Variants in CNBD1 observed in about 807,000 individuals in gnomAD.
The protein encoded by CNBD1 is cyclic nucleotide-binding domain-containing protein 1.
A neutral mutation model predicts 54.4 loss-of-function variants in CNBD1; 71 were observed. The ratio of observed to expected loss-of-function variants is 1.30; its 90% CI spans 1.08 to 1.59. The LOEUF (loss-of-function observed/expected upper bound fraction) is 1.59, where lower values mean the gene tolerates loss of function less well. Among genes scored for constraint, CNBD1 ranks in the 40% most tolerant of loss-of-function variants. The probability of loss-of-function intolerance (pLI) is 0.00; values close to 1 mark genes in which losing one functional copy is unlikely to be tolerated. For missense variants in CNBD1, 659 were observed against 518.0 expected, an observed-to-expected ratio of 1.27 and a Z score of -2.64; for synonymous variants, 182 against 170.7, an observed-to-expected ratio of 1.07 and a Z score of -0.51.
At chr8:87,264,413 G>T (rs1186565732) in intron 6 of CNBD1, among the ~76,000 whole-genome samples, 11 of 152,104 alleles carry the variant, frequency 7.2e-5, no homozygotes, top group Non-Finnish European at 8.8e-5. Context: ...GGACATTTGG[G>T]TTTGTTCCAA....
At position 87,172,496 on chromosome 8, in the gene CNBD1, GTCTC is replaced by G. The variant is rs147685397; in HGVS notation, c.432-33481_432-33478del. On this transcript the variant is annotated intron_variant, in intron 4 of 10. Coordinates refer to ENST00000518476, the MANE Select transcript of CNBD1 (RefSeq NM_173538.3). ...AAGTCTCCAGGTATTGTTGTTTGAG[GTCTC>G]TCTCTCTCTCTCTCTTTAGCTCTAA... Among the ~76,000 whole-genome samples, 328 of 148,930 alleles carry G rather than the reference GTCTC, an allele frequency of 2.2e-3. 3 individuals are homozygous for G. The highest frequency in any genetic ancestry group is 7.5e-3 in the African/African-American group (307 of 40,816).
At chr8:87,278,900 A>G (rs1808535895) in intron 6 of CNBD1, among the ~76,000 whole-genome samples, 1 of 151,508 alleles carries the variant, frequency 6.6e-6, no homozygotes, top group Non-Finnish European at 1.5e-5. Context: ...CCTTTCTGAG[A>G]AGTGGAAAAG....
At position 87,328,489 on chromosome 8, in the gene CNBD1, G is replaced by C. The variant is rs543776081; in HGVS notation, c.1043-23196G>C. Among the ~76,000 whole-genome samples the C allele has an allele frequency of 1.7e-4, 25 of 151,332 alleles. No homozygotes were observed. In the Middle Eastern group the frequency reaches 0.014, roughly 83 times the overall value. On this transcript the variant is annotated intron_variant, in intron 8 of 10. Transcript: ENST00000518476. ...TTATATTTAATTGGCCTTTGTGCTA[G>C]TAACATACTGCTTTGATTACTGTAG... is the stretch of plus-strand genomic sequence containing the variant.
At chr8:87,216,734 C>T (rs529172962) in intron 5 of CNBD1, among the ~76,000 whole-genome samples, 3 of 152,112 alleles carry the variant, frequency 2.0e-5, no homozygotes, top group African/African-American at 4.8e-5. Flanking sequence ...CTGAAGCCAA[C>T]CTTTAGCTTT....
At position 87,382,709 on chromosome 8, in the gene CNBD1, A is replaced by G. The variant is rs927463825; in HGVS notation, c.*82A>G. 1.3e-5 allele frequency: 14 copies of G among 1,070,306 alleles called. No homozygotes were observed. The highest frequency in any genetic ancestry group is 1.8e-5 in the Non-Finnish European group (13 of 729,222). The allele number at this position is 1,070,306 out of a possible 1,614,324, so 66.3% of individuals were successfully genotyped here. A position where few individuals can be genotyped will look rare whatever the true frequency, so the allele number is the denominator to read the frequency against. On this transcript the variant is annotated 3_prime_UTR_variant, in exon 11 of 11. Transcript: ENST00000518476. ...TAATTGCATTCTGGAATACTATCAA[A>G]CTACCAGCAATGAATTTGGTCTATT...
chr8:87,029,946 G>A (rs973265975), intron 4 of CNBD1, among the ~76,000 whole-genome samples: 20 of 152,076 alleles, frequency 1.3e-4, no homozygotes, highest in Admixed American at 9.2e-4. Flanking sequence ...ATTTTATATA[G>A]TAATGAAGTC....
At chr8:86,930,222 A>C (rs372777013) in intron 3 of CNBD1, among the ~76,000 whole-genome samples, 1 of 152,298 alleles carries the variant, frequency 6.6e-6, no homozygotes, top group Non-Finnish European at 1.5e-5. Context: ...TATAGGCTGT[A>C]TTTGTTCTTT....
At chr8:87,048,216 G>A (rs1385408985) in intron 4 of CNBD1, among the ~76,000 whole-genome samples, 3 of 152,274 alleles carry the variant, frequency 2.0e-5, no homozygotes, top group Admixed American at 1.3e-4. Flanking sequence ...TATTTCTTGG[G>A]GGTTCAGCTT....
At chr8:86,985,668 C>T (rs1329084126) in intron 4 of CNBD1, among the ~76,000 whole-genome samples, 1 of 152,104 alleles carries the variant, frequency 6.6e-6, no homozygotes, top group East Asian at 1.9e-4. Context: ...CATGTAAGTG[C>T]ATGTGTCTTT....
At chr8:86,963,320 C>T (rs1292616916) in intron 4 of CNBD1, among the ~76,000 whole-genome samples, 1 of 152,138 alleles carries the variant, frequency 6.6e-6, no homozygotes, top group Non-Finnish European at 1.5e-5. Flanking sequence ...TATTCCCATC[C>T]ATGAAGCAGG....
Position 87,354,374 on chromosome 8 carries a change from G to T in CNBD1, c.1303+588G>T, listed in dbSNP as rs184691627. ...CAGGCAGGGACCTGGGCCTCATGAGGGTACTTTAATTCTCTAGGATTTCTT... is the reference window on the plus strand; with the variant it reads ...CAGGCAGGGACCTGGGCCTCATGAGTGTACTTTAATTCTCTAGGATTTCTT... On this transcript the variant is annotated intron_variant, in intron 10 of 10. Coordinates refer to ENST00000518476, the MANE Select transcript of CNBD1 (RefSeq NM_173538.3). Among the ~76,000 whole-genome samples, 13 of 151,964 alleles carry T rather than the reference G, an allele frequency of 8.6e-5. No homozygotes were observed. The East Asian group carries it at 1.9e-3, about 23-fold the overall frequency.
At chr8:87,302,267 G>A (rs1490398296) in intron 8 of CNBD1, among the ~76,000 whole-genome samples, 1 of 152,160 alleles carries the variant, frequency 6.6e-6, no homozygotes, top group Admixed American at 6.6e-5. Flanking sequence ...GAATCCAGCA[G>A]CACATCAAAA....
chr8:86,998,117 A>G (rs1210644260), intron 4 of CNBD1, among the ~76,000 whole-genome samples: 1 of 152,000 alleles, frequency 6.6e-6, no homozygotes, highest in Middle Eastern at 3.2e-3. Flanking sequence ...CATTGGTGAT[A>G]CTAACCATTG....
chr8:87,064,696 A>T (rs1162159382), intron 4 of CNBD1, among the ~76,000 whole-genome samples: 1 of 151,840 alleles, frequency 6.6e-6, no homozygotes, highest in African/African-American at 2.4e-5. Flanking sequence ...TTTGTCTGAA[A>T]ATGTTATTAT....
chr8:87,232,321 G>A (rs939928702), intron 5 of CNBD1, among the ~76,000 whole-genome samples: 1 of 152,106 alleles, frequency 6.6e-6, no homozygotes, highest in African/African-American at 2.4e-5. Context: ...TACGTTAGAT[G>A]TATGTTTCAT....
At chr8:87,241,942 C>A (rs1807716022) in intron 6 of CNBD1, among the ~76,000 whole-genome samples, 1 of 151,860 alleles carries the variant, frequency 6.6e-6, no homozygotes. Flanking sequence ...AATTCTAAGC[C>A]CCCAGCCAAC....
chr8:86,899,601 A>G (rs998035992), intron 2 of CNBD1, among the ~76,000 whole-genome samples: 1 of 152,110 alleles, frequency 6.6e-6, no homozygotes. Flanking sequence ...AAGATTTTAT[A>G]TATAACTTTT....
chr8:87,397,259 G>A (rs571884439), intron 2 of CNBD1, among the ~76,000 whole-genome samples: 3 of 151,996 alleles, frequency 2.0e-5, no homozygotes, highest in African/African-American at 7.2e-5. Context: ...ACTATTAGGA[G>A]AAAGGAACAG....
chr8:87,095,782 C>T (rs559250130), intron 4 of CNBD1, among the ~76,000 whole-genome samples: 10 of 152,210 alleles, frequency 6.6e-5, no homozygotes, highest in Non-Finnish European at 8.8e-5. Flanking sequence ...CTTAGCCTCC[C>T]GAGTAGCTGG....
Sources: gnomAD v4.1 joint callset for allele counts (sites outside exome capture counted in the v4.1 genomes callset) on GRCh38, gnomAD v4.1.1 for gene constraint, MANE v1.5 for transcripts, NCBI Gene and HGNC (gene_info 2026-07-23, HGNC 2026-07-21) for gene names.